DDHD1: variants seen among roughly 807,000 people sequenced by gnomAD.
The protein encoded by DDHD1 is phospholipase DDHD1.
Under a neutral mutation model 96.4 loss-of-function variants are expected in DDHD1, and 49 were observed. The ratio of observed to expected loss-of-function variants is 0.51; its 90% CI spans 0.40 to 0.64. The LOEUF (loss-of-function observed/expected upper bound fraction) is 0.64. Among genes scored for constraint, DDHD1 ranks in the 30% least tolerant of loss-of-function variants. DDHD1 has a pLI of 0.00. For synonymous variants in DDHD1, 442 were observed against 446.5 expected (o/e 0.99, Z 0.13); for missense variants, 1,106 against 1,161.2 (o/e 0.95, Z 0.69).
In DDHD1 at chr14:53,146,398, G is replaced by A. The variant is rs938872084; in HGVS notation, c.838+5863C>T. 3.3e-5 allele frequency among the ~76,000 whole-genome samples: 5 copies of A among 151,396 alleles called. 1 individual carries two copies. In the East Asian group the frequency reaches 9.7e-4, roughly 29 times the overall value. The stretch of plus-strand genomic sequence containing the variant: ...ACATGCCTGTACTCCCAGCTACTAG[G>A]GAGGCTGAAGCAGGAGAATCGCTTG... On this transcript the variant is annotated intron_variant, in intron 1 of 12. Transcript: ENST00000673822.
At chr14:53,052,398 T>A (rs541477033) in intron 11 of DDHD1, 2 of 152,792 alleles carry the variant, frequency 1.3e-5, no homozygotes, top group African/African-American at 4.8e-5. Context: ...AGCAAGTGAA[T>A]CAAAGTCGGT....
At chr14:53,145,013 G>A (rs935182145) in intron 1 of DDHD1, among the ~76,000 whole-genome samples, 1 of 152,160 alleles carries the variant, frequency 6.6e-6, no homozygotes, top group African/African-American at 2.4e-5. Context: ...AGCCAGGCGT[G>A]ATGGCGCTGG....
rs904259357 is a variant in DDHD1, at chr14:53,103,832, C to T, written c.863G>A (p.Arg288His). ...WNQADKIPVMRGQWFIDGTWQ... is the reference protein window; with the variant it reads ...WNQADKIPVMHGQWFIDGTWQ... The stretch of plus-strand genomic sequence containing the variant: ...AGTGCCGTCAATAAACCACTGTCCA[C>T]GCATTACTGGTATTTTATCAGCCTC... Residue 288 changes from arginine (R) to histidine (H), a missense_variant, in exon 2 of 13, where the codon CGT (arginine) becomes CAT (histidine). Arg to His is a conservative substitution (Grantham distance 29, BLOSUM62 0). This residue lies in a region of DDHD1 where 650 missense variants were observed against 758.8 expected (regional missense o/e 0.86). Transcript: ENST00000673822. 5.6e-6 allele frequency: 9 copies of T among 1,605,806 alleles called. No individual in the cohort carries two copies. In the Admixed American group the frequency reaches 1.0e-4, roughly 18 times the overall value.
rs541686950 is a variant in DDHD1, at chr14:53,046,601, C to T, written c.*167G>A. 54 of 447,350 alleles carry T rather than the reference C, an allele frequency of 1.2e-4. No homozygotes were observed. The East Asian group carries it at 2.0e-3, about 16-fold the overall frequency. 27.7% of individuals were successfully genotyped at this position (447,350 alleles called of 1,614,324 possible). A position where few individuals can be genotyped will look rare whatever the true frequency, so the allele number is the denominator to read the frequency against. ...CAAACTGTAAATGACTTCTTCAGAA[C>T]TGAAAACTTCTTTTTTTTTTAAATA... On this transcript the variant is annotated 3_prime_UTR_variant, in exon 13 of 13. Transcript: ENST00000673822.
intron 4 of DDHD1, among the ~76,000 whole-genome samples, chr14:53,087,968 C>G (rs533750473): frequency 1.9e-4 from 29 of 152,116 alleles, no homozygotes; most frequent in Admixed American, 6.6e-4. Flanking sequence ...CAATAAAAAA[C>G]GATAAAAAGA....
rs1891580116 is a variant in DDHD1 at position 53,153,042 on chromosome 14, G to A, written c.57C>T (p.Gly19=). 3 of 1,493,208 alleles carry A rather than the reference G, an allele frequency of 2.0e-6. No individual in the cohort carries two copies. Among genetic ancestry groups the A allele is most frequent in the South Asian group, 2.6e-5 (2 of 77,134 alleles). The allele number at this position is 1,493,208 out of a possible 1,614,324, so 92.5% of individuals were successfully genotyped here. The change falls in exon 1 of 13, where the codon GGC becomes GGT. Residue 19 remains glycine, a synonymous_variant. Transcript: ENST00000673822. ...PRSPEHNGRG[G]GGGAWELGSD... is the part of the protein sequence containing the mutation. ...AGCCCAGCTCCCAGGCGCCGCCGCC[G>A]CCGCCTCGGCCGTTATGCTCGGGGC...
chr14:53,062,471 T>G (rs1481546348), intron 7 of DDHD1, among the ~76,000 whole-genome samples: 1 of 151,952 alleles, frequency 6.6e-6, no homozygotes, highest in African/African-American at 2.4e-5. Context: ...TAATAAAATC[T>G]TATAATTATA....
At chr14:53,078,775 T>A (rs1452314151) in intron 4 of DDHD1, among the ~76,000 whole-genome samples, 1 of 152,218 alleles carries the variant, frequency 6.6e-6, no homozygotes, top group Non-Finnish European at 1.5e-5. Context: ...TATCCTTGTC[T>A]TGTTCCTGAT....
chr14:53,135,767 C>T lies in DDHD1; in HGVS notation c.838+16494G>A, dbSNP rs572698378. ...TCTACTTCCAGCAATGACAGAATAA[C>T]ACATAATGGATTTAATATCTCACCT... is the stretch of plus-strand genomic sequence containing the variant. On this transcript the variant is annotated intron_variant, in intron 1 of 12. Transcript: ENST00000673822. 6.6e-5 allele frequency among the ~76,000 whole-genome samples: 10 copies of T among 152,298 alleles called. No homozygotes were observed. In the South Asian group the frequency reaches 1.9e-3, roughly 28 times the overall value.
rs528696675 is a variant in DDHD1, at chr14:53,077,598, C to T, written c.1290-3751G>A. Reference sequence around the variant, plus strand: ...TGTAGTTATTATCCTTGCCAAGGTTCAAATTGTCTATTTTAGGTCTGTGAA... The same window carrying T: ...TGTAGTTATTATCCTTGCCAAGGTTTAAATTGTCTATTTTAGGTCTGTGAA... On this transcript the variant is annotated intron_variant, in intron 4 of 12. Transcript: ENST00000673822. 8.7e-4 allele frequency among the ~76,000 whole-genome samples: 132 copies of T among 151,222 alleles called. 1 individual carries two copies. Among genetic ancestry groups the T allele is most frequent in the African/African-American group, 3.1e-3 (127 of 41,190 alleles).
rs948813700 is a variant in DDHD1 at position 53,037,860 on chromosome 14, G to A, written c.*8908C>T. 8 of 151,982 alleles carry A rather than the reference G, an allele frequency of 5.3e-5. No individual in the cohort carries two copies. Among genetic ancestry groups the A allele is most frequent in the African/African-American group, 9.7e-5 (4 of 41,378 alleles). 9.4% of individuals were successfully genotyped at this position (151,982 alleles called of 1,614,324 possible). A position where few individuals can be genotyped will look rare whatever the true frequency, so the allele number is the denominator to read the frequency against. On this transcript the variant is annotated 3_prime_UTR_variant, in exon 13 of 13. Coordinates refer to ENST00000673822, the MANE Select transcript of DDHD1 (RefSeq NM_001160148.2). ...TTCTTCTAGGATTTTTACAGTTTGAGGTCTTACATTTAAATCTTTAATCCA... is the reference window on the plus strand; with the variant it reads ...TTCTTCTAGGATTTTTACAGTTTGAAGTCTTACATTTAAATCTTTAATCCA...
chr14:53,132,867 C>T (rs1217633645), intron 1 of DDHD1, among the ~76,000 whole-genome samples: 2 of 152,184 alleles, frequency 1.3e-5, no homozygotes, highest in Non-Finnish European at 2.9e-5. Context: ...AGCTAGCGTT[C>T]CAACTTCTGT....
intron 11 of DDHD1, 35 bp downstream of exon 11, chr14:53,054,403 C>G (rs534388103): frequency 1.9e-6 from 3 of 1,581,968 alleles, no homozygotes; most frequent in Non-Finnish European, 2.6e-6. Context: ...TAAAAAGATA[C>G]AGTATCAACT....
chr14:53,089,623 G>C (rs981712351), intron 4 of DDHD1, among the ~76,000 whole-genome samples: 5 of 151,936 alleles, frequency 3.3e-5, no homozygotes, highest in Non-Finnish European at 5.9e-5. Flanking sequence ...TGTAGAAACT[G>C]GCTAGCCATA....
chr14:53,139,833 CAA>C (rs1459263409), intron 1 of DDHD1, among the ~76,000 whole-genome samples: 3 of 113,248 alleles, frequency 2.6e-5, no homozygotes, highest in Non-Finnish European at 3.6e-5. Context: ...AACACACTGC[CAA>C]GAGACCACAA....
chr14:53,063,573 T>C (rs1008493523), intron 6 of DDHD1, among the ~76,000 whole-genome samples: 3 of 152,060 alleles, frequency 2.0e-5, no homozygotes, highest in Admixed American at 6.5e-5. Flanking sequence ...CTTACCCACA[T>C]GCAATTCTAA....
chr14:53,107,008 A>G (rs1010591993), intron 1 of DDHD1, among the ~76,000 whole-genome samples: 3 of 152,074 alleles, frequency 2.0e-5, no homozygotes, highest in African/African-American at 7.2e-5. Flanking sequence ...CCTTTTATCA[A>G]TGGCTCTTAT....
Position 53,093,413 on chromosome 14 carries a change from A to G in DDHD1, c.1044T>C (p.His348=), listed in dbSNP as rs773543694. The G allele has an allele frequency of 1.2e-6, 2 of 1,612,362 alleles. No homozygotes were observed. Among genetic ancestry groups the G allele is most frequent in the Non-Finnish European group, 1.7e-6 (2 of 1,179,448 alleles). The change falls in exon 3 of 13, where the codon CAT becomes CAC. Residue 348 remains histidine (H), a synonymous_variant. Transcript: ENST00000673822. ...AVHSFKLSRN[H]VDWHSVDEVY... ...CTTCATCCACACTGTGCCAGTCCAC[A>G]TGGTTTCGACTCAACTTGAAACTAT...
chr14:53,103,112 A>C (rs1887433256), intron 2 of DDHD1: 1 of 1,510,892 alleles, frequency 6.6e-7, no homozygotes, highest in African/African-American at 1.4e-5. Context: ...AAGTTTACTC[A>C]AGATTTAGAC....
Sources: allele counts gnomAD v4.1 joint callset (sites outside exome capture counted in the v4.1 genomes callset), GRCh38; gene constraint gnomAD v4.1.1; regional missense constraint gnomAD v4.1.1; transcripts MANE v1.5; gene names NCBI Gene and HGNC (gene_info 2026-07-23, HGNC 2026-07-21).